The following ATF6B variants were observed in gnomAD, a reference collection of about 807,000 sequenced individuals.
ATF6B encodes cyclic AMP-dependent transcription factor ATF-6 beta.
In ATF6B, 50 loss-of-function variants were observed where a neutral mutation model predicts 83.5. The observed-to-expected ratio is 0.60, with a 90% CI of 0.48 to 0.76. The LOEUF is 0.76. ATF6B is among the 30% of genes least tolerant of loss of function. The pLI, the probability that ATF6B is intolerant of heterozygous loss-of-function variation, is 0.00. For missense variants in ATF6B, 790 were observed against 893.8 expected (o/e 0.88, Z 1.48); for synonymous variants, 344 against 362.8 (o/e 0.95, Z 0.59).
In ATF6B at chr6:32,117,046, G is replaced by C; in HGVS notation, c.1676C>G (p.Pro559Arg). 1 of 1,614,044 alleles carries C rather than the reference G, an allele frequency of 6.2e-7. No homozygotes were observed. Among genetic ancestry groups the C allele is most frequent in the Non-Finnish European group, 8.5e-7 (1 of 1,179,946 alleles). The change falls in exon 15 of 18, where the codon CCC becomes CGC. Residue 559 changes from proline to arginine, a missense_variant. Pro to Arg is a moderately radical substitution (Grantham distance 103). Around this residue, in one of 3 missense-constraint regions of ATF6B, gnomAD observed 530 missense variants for 632.6 expected, o/e 0.84. Transcript: ENST00000375203. The surrounding 1 kb of genome is among the most constrained non-coding windows in gnomAD (Gnocchi z 5.0). ...CCCACCCCACACTCACCTTTCTGGGGGTCCAGGGGGTTGGATGGGGACTGC... is the reference window on the plus strand; with the variant it reads ...CCCACCCCACACTCACCTTTCTGGGCGTCCAGGGGGTTGGATGGGGACTGC... ...VKAVPIQPPG[P>R]PERDSVGQLQ...
At chr6:32,128,081 G>A (rs1448379595) in intron 1 of ATF6B, 36 bp downstream of exon 1, 1 of 1,609,602 alleles carries the variant, frequency 6.2e-7, no homozygotes, top group South Asian at 1.1e-5. Context: ...CTCAGGGACA[G>A]TTTGCCACAG....
In ATF6B at chr6:32,116,918, G is replaced by A. The variant is rs1174078701; in HGVS notation, c.1686-103C>T. ...GAGAAAAAGACAGGAGACCCCCAGTGGAGGAGGGAGGTATAATCCCACTGG... is the reference window on the plus strand; with the variant it reads ...GAGAAAAAGACAGGAGACCCCCAGTAGAGGAGGGAGGTATAATCCCACTGG... On this transcript the variant is annotated intron_variant, in intron 15 of 17. Coordinates refer to ENST00000375203, the MANE Select transcript of ATF6B (RefSeq NM_004381.5). The surrounding 1 kb of genome is among the most constrained non-coding windows in gnomAD (Gnocchi z 5.1). 133 of 1,517,362 alleles carry A rather than the reference G, an allele frequency of 8.8e-5. No homozygotes were observed. Among genetic ancestry groups the A allele is most frequent in the Non-Finnish European group, 1.2e-4 (132 of 1,095,178 alleles). 94.0% of individuals were successfully genotyped at this position (1,517,362 alleles called of 1,614,324 possible).
intron 5 of ATF6B, among the ~76,000 whole-genome samples, chr6:32,123,454 T>C (rs1368074411): frequency 1.3e-5 from 2 of 152,102 alleles, no homozygotes; most frequent in Non-Finnish European, 2.9e-5. Context: ...CAGTGGGCGA[T>C]CTCGGCTCAC....
rs1367464704 is a variant in ATF6B at position 32,119,305 on chromosome 6, C to A, written c.967-164G>T. Among the ~76,000 whole-genome samples, 1 of 152,170 alleles carries A rather than the reference C, an allele frequency of 6.6e-6. No homozygotes were observed. ...GGTTTTTCCTCTCTACTCAAACACGCTAGGGAAGGGGCCCTTCTTTCAAAC... is the reference window on the plus strand; with the variant it reads ...GGTTTTTCCTCTCTACTCAAACACGATAGGGAAGGGGCCCTTCTTTCAAAC... On this transcript the variant is annotated intron_variant, in intron 9 of 17. Coordinates refer to ENST00000375203, the MANE Select transcript of ATF6B (RefSeq NM_004381.5). The surrounding 1 kb of genome is among the most constrained non-coding windows in gnomAD (Gnocchi z 4.9).
Position 32,119,166 on chromosome 6 carries a change from G to A in ATF6B, c.967-25C>T, listed in dbSNP as rs145409413. The A allele has an allele frequency of 1.4e-3, 2,275 of 1,593,434 alleles. 4 individuals carry two copies. The highest frequency in any genetic ancestry group is 5.5e-3 in the Middle Eastern group (25 of 4,518). ...CCTAGGCACCCGGAAGGTCAAAAAA[G>A]AATGACAGATGAGTTGGCAGAAGGA... is the stretch of plus-strand genomic sequence containing the variant. On this transcript the variant is annotated intron_variant, in intron 9 of 17. Coordinates refer to ENST00000375203, the MANE Select transcript of ATF6B (RefSeq NM_004381.5). This position sits in a 1 kb window ranked among gnomAD's most constrained non-coding sequence, Gnocchi z 4.9.
chr6:32,115,590 AC>A lies in ATF6B; in HGVS notation c.*148del. 1.6e-6 allele frequency: 1 copy of A among 624,460 alleles called. No individual in the cohort carries two copies. The highest frequency in any genetic ancestry group is 2.7e-6 in the Non-Finnish European group (1 of 367,562). 38.7% of individuals were successfully genotyped at this position (624,460 alleles called of 1,614,324 possible). On this transcript the variant is annotated 3_prime_UTR_variant, in exon 18 of 18. Coordinates refer to ENST00000375203, the MANE Select transcript of ATF6B (RefSeq NM_004381.5). ...AAAAGGGATGAGAAGAGAGGTGAAC[AC>A]CCCCACCTCAAATAAGTGCTTAACC...
Position 32,116,487 on chromosome 6 carries a change from G to A in ATF6B, c.1875C>T (p.Ala625=). Residue 625 remains alanine, a synonymous_variant, in exon 17 of 18, where the codon GCC becomes GCT. Transcript: ENST00000375203. This position sits in a 1 kb window ranked among gnomAD's most constrained non-coding sequence, Gnocchi z 5.1. Reference sequence around the variant, plus strand: ...CAGCAGGGAAAGAGTTACCATTGGGGGCCATGGCAGGCATCACCAGGGACA... The same window carrying A: ...CAGCAGGGAAAGAGTTACCATTGGGAGCCATGGCAGGCATCACCAGGGACA... The part of the protein sequence containing the change: ...PKMSLVMPAM[A]PNETLSGRGA... 3 of 1,609,822 alleles carry A rather than the reference G, an allele frequency of 1.9e-6. No individual in the cohort carries two copies. Among genetic ancestry groups the A allele is most frequent in the Non-Finnish European group, 2.5e-6 (3 of 1,177,658 alleles).
Position 32,115,772 on chromosome 6 carries a change from G to A in ATF6B, c.2079C>T (p.Ala693=). 2 of 1,610,344 alleles carry A rather than the reference G, an allele frequency of 1.2e-6. No individual in the cohort carries two copies. Among genetic ancestry groups the A allele is most frequent in the Non-Finnish European group, 1.7e-6 (2 of 1,178,022 alleles). ...PVSAASQAHQ[A]SHQPLYLNHP ...GATTGAGGTAGAGGGGCTGGTGGGA[G>A]GCCTGGTGGGCCTGGCTGGCTGCAG... is the stretch of plus-strand genomic sequence containing the variant. The change falls in exon 18 of 18, where the codon GCC becomes GCT. Residue 693 remains alanine, a synonymous_variant. Coordinates refer to ENST00000375203, the MANE Select transcript of ATF6B (RefSeq NM_004381.5).
At chr6:32,120,161 GATCT>G (rs1170294705) in intron 8 of ATF6B, 3 of 466,922 alleles carry the variant, frequency 6.4e-6, no homozygotes, top group Admixed American at 4.4e-5. Context: ...GCAGTGGTGC[GATCT>G]CGGCTCACTG....
intron 5 of ATF6B, among the ~76,000 whole-genome samples, chr6:32,123,924 A>G (rs913248622): frequency 2.0e-5 from 3 of 151,780 alleles, no homozygotes; most frequent in Non-Finnish European, 4.4e-5. Flanking sequence ...CAACATGTCA[A>G]CTGGGCATGG....
At chr6:32,127,853 C>G (rs1782052913) in intron 1 of ATF6B, 103 bp from the exon 2 acceptor site, 1 of 1,294,990 alleles carries the variant, frequency 7.7e-7, no homozygotes, top group African/African-American at 1.5e-5. Context: ...CGGCCAGACC[C>G]ACCGCCCGCC....
Position 32,119,243 on chromosome 6 carries a change from T to G in ATF6B, c.967-102A>C. ...GATTTACCCAAAGCTCACATGGCCA[T>G]TCCCCTGCCTTCCTGACCCACCTAC... is the stretch of plus-strand genomic sequence containing the variant. On this transcript the variant is annotated intron_variant, in intron 9 of 17. Coordinates refer to ENST00000375203, the MANE Select transcript of ATF6B (RefSeq NM_004381.5). This position sits in a 1 kb window ranked among gnomAD's most constrained non-coding sequence, Gnocchi z 4.9. The G allele has an allele frequency of 3.7e-4, 456 of 1,242,642 alleles. No homozygotes were observed. The highest frequency in any genetic ancestry group is 1.1e-3 in the Middle Eastern group (4 of 3,574). The allele number at this position is 1,242,642 out of a possible 1,614,324, so 77.0% of individuals were successfully genotyped here. A position where few individuals can be genotyped will look rare whatever the true frequency, so the allele number is the denominator to read the frequency against.
At position 32,117,458 on chromosome 6, in the gene ATF6B, C is replaced by A. The variant is rs1439277102; in HGVS notation, c.1533-54G>T. 4.1e-5 allele frequency: 66 copies of A among 1,604,640 alleles called. No individual in the cohort carries two copies. Among genetic ancestry groups the A allele is most frequent in the Non-Finnish European group, 5.3e-5 (62 of 1,174,034 alleles). ...CATGCCAGGCCAAGATTCCCACCCTCCTTGCCCACCCACAGGAGTGAGGAG... is the reference window on the plus strand; with the variant it reads ...CATGCCAGGCCAAGATTCCCACCCTACTTGCCCACCCACAGGAGTGAGGAG... On this transcript the variant is annotated intron_variant, in intron 13 of 17. Coordinates refer to ENST00000375203, the MANE Select transcript of ATF6B (RefSeq NM_004381.5). The surrounding 1 kb of genome is among the most constrained non-coding windows in gnomAD (Gnocchi z 5.0).
Position 32,117,629 on chromosome 6 carries a change from AG to A in ATF6B, c.1489del (p.Leu497SerfsTer14). 1 of 1,614,188 alleles carries A rather than the reference AG, an allele frequency of 6.2e-7. No individual in the cohort carries two copies. The highest frequency in any genetic ancestry group is 8.5e-7 in the Non-Finnish European group (1 of 1,180,032). On this transcript the variant is annotated frameshift_variant, in exon 13 of 18. Coordinates refer to ENST00000375203, the MANE Select transcript of ATF6B (RefSeq NM_004381.5). LOFTEE classifies it high-confidence loss of function. This position sits in a 1 kb window ranked among gnomAD's most constrained non-coding sequence, Gnocchi z 5.0. The stretch of plus-strand genomic sequence containing the variant: ...GTTGAAGTGCCGGCAATCAGAGGAG[AG>A]GAAGAGCTGGTCTAGGTCTCTTAGT... ...LLLRDLDQLF[L>X]SSDCRHFNRT...
chr6:32,127,835 G>T, intron 1 of ATF6B, 85 bp from the exon 2 acceptor site: 1 of 1,447,162 alleles, frequency 6.9e-7, no homozygotes, highest in Non-Finnish European at 9.6e-7. Context: ...TCCCTCATTG[G>T]CTCCGCTCGG....
chr6:32,127,344 G>A (rs1782025220), intron 3 of ATF6B, 98 bp downstream of exon 3: 7 of 1,417,938 alleles, frequency 4.9e-6, no homozygotes, highest in South Asian at 1.3e-5. Context: ...AGGCACTTAT[G>A]TAGAAGCGTG....
In ATF6B at chr6:32,118,122, C is replaced by T; in HGVS notation, c.1245-84G>A. The stretch of plus-strand genomic sequence containing the variant: ...TAAGAATAAAGACTCTGCAGATGGA[C>T]TGCTTGAGTTGCAATCTGTTATACA... On this transcript the variant is annotated intron_variant, in intron 11 of 17. Coordinates refer to ENST00000375203, the MANE Select transcript of ATF6B (RefSeq NM_004381.5). This position sits in a 1 kb window ranked among gnomAD's most constrained non-coding sequence, Gnocchi z 5.2. 1 of 1,529,948 alleles carries T rather than the reference C, an allele frequency of 6.5e-7. No homozygotes were observed. Among genetic ancestry groups the T allele is most frequent in the South Asian group, 1.1e-5 (1 of 87,712 alleles). The allele number at this position is 1,529,948 out of a possible 1,614,324, so 94.8% of individuals were successfully genotyped here. A position where few individuals can be genotyped will look rare whatever the true frequency, so the allele number is the denominator to read the frequency against.
Position 32,119,532 on chromosome 6 carries a change from A to G in ATF6B, c.966+292T>C, listed in dbSNP as rs1373191170. ...GCAGCCTCCCTCCCCAACTATGGCC[A>G]TGACCGTAGTCGTATAGTACAGTAC... On this transcript the variant is annotated intron_variant, in intron 9 of 17. Coordinates refer to ENST00000375203, the MANE Select transcript of ATF6B (RefSeq NM_004381.5). This position sits in a 1 kb window ranked among gnomAD's most constrained non-coding sequence, Gnocchi z 4.9. Among the ~76,000 whole-genome samples the G allele has an allele frequency of 2.0e-5, 3 of 152,112 alleles. No individual in the cohort carries two copies. Among genetic ancestry groups the G allele is most frequent in the Non-Finnish European group, 4.4e-5 (3 of 68,002 alleles).
chr6:32,118,091 T>G lies in ATF6B; in HGVS notation c.1245-53A>C. 6.2e-7 allele frequency: 1 copy of G among 1,607,086 alleles called. No individual in the cohort carries two copies. The highest frequency in any genetic ancestry group is 8.5e-7 in the Non-Finnish European group (1 of 1,174,574). ...TGAAGAATTTCAGCTGTATCAAGTA[T>G]CTAGGTAAGAATAAAGACTCTGCAG... On this transcript the variant is annotated intron_variant, in intron 11 of 17. Transcript: ENST00000375203. The surrounding 1 kb of genome is among the most constrained non-coding windows in gnomAD (Gnocchi z 5.2).
Sources: allele counts gnomAD v4.1 joint callset (sites outside exome capture counted in the v4.1 genomes callset), GRCh38; gene constraint gnomAD v4.1.1; regional missense constraint gnomAD v4.1.1; non-coding constraint Gnocchi (gnomAD v3.1); transcripts MANE v1.5; gene names NCBI Gene and HGNC (gene_info 2026-07-23, HGNC 2026-07-21).